FMN1: variants seen among roughly 807,000 people sequenced by gnomAD.
The protein encoded by FMN1 is formin 1.
In FMN1, 110 loss-of-function variants were observed where a neutral mutation model predicts 132.4. The observed-to-expected ratio is 0.83, with a 90% CI of 0.71 to 0.97. The LOEUF is 0.97. FMN1 is among the 50% of genes least tolerant of loss of function. The probability of loss-of-function intolerance (pLI) is 0.00; values close to 1 mark genes in which losing one functional copy is unlikely to be tolerated. For synonymous variants in FMN1, 722 were observed against 651.7 expected (o/e 1.11, Z -1.64); for missense variants, 1,792 against 1,705.3 (o/e 1.05, Z -0.90).
At chr15:32,958,582 A>ATACATACATACG (rs1555504819) in intron 9 of FMN1, among the ~76,000 whole-genome samples, 19 of 152,140 alleles carry the variant, frequency 1.2e-4, no homozygotes, top group African/African-American at 4.6e-4. Flanking sequence ...ACATACATAC[A>ATACATACATACG]TACATACATG....
chr15:33,025,988 A>T (rs1214912725), intron 6 of FMN1, among the ~76,000 whole-genome samples: 2 of 151,728 alleles, frequency 1.3e-5, no homozygotes, highest in African/African-American at 4.9e-5. Context: ...AGAATTGGAA[A>T]AGAAGAGATA....
chr15:32,982,522 C>G (rs2032760945), intron 7 of FMN1, among the ~76,000 whole-genome samples: 1 of 152,146 alleles, frequency 6.6e-6, no homozygotes, highest in South Asian at 2.1e-4. Flanking sequence ...TATGTATCAA[C>G]TTGACTGACC....
chr15:32,908,567 C>G lies in FMN1; in HGVS notation c.3300G>C (p.Glu1100Asp), dbSNP rs566086197. The change falls in exon 12 of 21, where the codon GAG becomes GAC. Residue 1100 changes from glutamate to aspartate, a missense_variant. Around this residue, in one of 3 missense-constraint regions of FMN1, gnomAD observed 1,150 missense variants for 1,043.1 expected, o/e 1.10. Coordinates refer to ENST00000616417, the MANE Select transcript of FMN1 (RefSeq NM_001277313.2). ...ACTTTCTTATTTTAACCAGCTCATC[C>G]TCTTGGGCTCTCTGTATCAAAATAG... ...LAALYENRAQ[E>D]DELVKIRKYY... 6.4e-7 allele frequency: 1 copy of G among 1,555,778 alleles called. No individual in the cohort carries two copies. Among genetic ancestry groups the G allele is most frequent in the African/African-American group, 1.4e-5 (1 of 71,592 alleles).
chr15:33,154,690 G>C lies in FMN1; in HGVS notation c.225C>G (p.Phe75Leu). 1 of 1,536,120 alleles carries C rather than the reference G, an allele frequency of 6.5e-7. No homozygotes were observed. Among genetic ancestry groups the C allele is most frequent in the Non-Finnish European group, 8.7e-7 (1 of 1,146,916 alleles). Residue 75 changes from phenylalanine to leucine, a missense_variant, in exon 4 of 21, where the codon TTC becomes TTG. Physicochemically the swap from Phe to Leu is conservative, Grantham distance 22 (BLOSUM62 0). Coordinates refer to ENST00000616417, the MANE Select transcript of FMN1 (RefSeq NM_001277313.2). Reference protein sequence around the residue: ...EPDEHPGDIFFKQTPTKDILT... With the variant: ...EPDEHPGDIFLKQTPTKDILT... ...GAATGTCTTTCGTGGGAGTCTGCTT[G>C]AAAAATATGTCGCCTGGATGTTCGT... is the stretch of plus-strand genomic sequence containing the variant.
chr15:32,840,961 G>C (rs578214695), intron 17 of FMN1, among the ~76,000 whole-genome samples: 1 of 152,310 alleles, frequency 6.6e-6, no homozygotes, highest in South Asian at 2.1e-4. Context: ...ACAAGAGTTT[G>C]TATTACACAG....
chr15:32,874,542 G>A (rs546669205), intron 16 of FMN1, among the ~76,000 whole-genome samples: 1 of 152,298 alleles, frequency 6.6e-6, no homozygotes, highest in Admixed American at 6.5e-5. Context: ...CTTCAGAACA[G>A]CTGGAGGGAA....
chr15:33,105,661 T>G (rs1221427260), intron 4 of FMN1: 1 of 152,192 alleles, frequency 6.6e-6, no homozygotes, highest in Admixed American at 6.5e-5. Context: ...TGTTTGGATA[T>G]CTAAAGATTA....
intron 9 of FMN1, among the ~76,000 whole-genome samples, chr15:32,956,192 T>G (rs567720304): frequency 2.2e-4 from 33 of 152,168 alleles, no homozygotes; most frequent in African/African-American, 7.9e-4. Flanking sequence ...TCTTGTGGTG[T>G]GGGGTAGGAA....
At chr15:32,977,473 G>C (rs542973631) in intron 7 of FMN1, among the ~76,000 whole-genome samples, 1 of 152,172 alleles carries the variant, frequency 6.6e-6, no homozygotes, top group African/African-American at 2.4e-5. Context: ...CTCTCAGGTG[G>C]AAAAAGCATT....
chr15:32,819,225 C>G (rs78114239), intron 17 of FMN1, among the ~76,000 whole-genome samples: 2,665 of 152,232 alleles, frequency 0.018, 87 homozygotes, highest in African/African-American at 0.06. Flanking sequence ...CCCCTTCCCC[C>G]CAACCAACAA....
intron 18 of FMN1, among the ~76,000 whole-genome samples, chr15:32,799,216 T>C (rs1215186919): frequency 6.6e-6 from 1 of 152,030 alleles, no homozygotes; most frequent in East Asian, 1.9e-4. Flanking sequence ...TTTCTGGGGG[T>C]GTGTAGGTAA....
intron 17 of FMN1, among the ~76,000 whole-genome samples, chr15:32,836,694 C>T (rs2058635153): frequency 6.6e-6 from 1 of 151,848 alleles, no homozygotes; most frequent in Non-Finnish European, 1.5e-5. Flanking sequence ...CTCAGTCTCT[C>T]TCTTTTTTTT....
chr15:33,117,599 T>G (rs2039977489), intron 4 of FMN1, among the ~76,000 whole-genome samples: 1 of 152,206 alleles, frequency 6.6e-6, no homozygotes, highest in African/African-American at 2.4e-5. Flanking sequence ...ACTTCAGGGA[T>G]CAAAATTTAT....
At chr15:32,957,654 A>G (rs934603830) in intron 9 of FMN1, among the ~76,000 whole-genome samples, 12 of 152,282 alleles carry the variant, frequency 7.9e-5, no homozygotes, top group African/African-American at 2.9e-4. Flanking sequence ...GGAATCAAAG[A>G]TGTTTAAGAA....
At chr15:33,071,541 T>G (rs1033883093) in intron 5 of FMN1, among the ~76,000 whole-genome samples, 1 of 152,208 alleles carries the variant, frequency 6.6e-6, no homozygotes, top group Non-Finnish European at 1.5e-5. Flanking sequence ...AGATCTCTAT[T>G]TAGAAAGAGG....
At position 33,153,745 on chromosome 15, in the gene FMN1, C is replaced by A. The variant is rs1964549056; in HGVS notation, c.1170G>T (p.Arg390=). The A allele has an allele frequency of 2.6e-6, 4 of 1,536,256 alleles. No individual in the cohort carries two copies. Among genetic ancestry groups the A allele is most frequent in the Non-Finnish European group, 3.5e-6 (4 of 1,146,954 alleles). ...AHGSRRQGKE[R]QGDRSSQSPA... is the part of the protein sequence containing the mutation. The stretch of plus-strand genomic sequence containing the variant: ...GCGACTGCGATGACCTATCCCCTTG[C>A]CGCTCCTTGCCCTGCCGCCTGGAGC... Residue 390 remains arginine, a synonymous_variant, in exon 4 of 21, where the codon CGG becomes CGT. Coordinates refer to ENST00000616417, the MANE Select transcript of FMN1 (RefSeq NM_001277313.2).
intron 7 of FMN1, among the ~76,000 whole-genome samples, chr15:32,984,629 A>G (rs1566791704): frequency 6.6e-6 from 1 of 152,224 alleles, no homozygotes; most frequent in Admixed American, 6.5e-5. Flanking sequence ...ATTATAGTAC[A>G]TTATCAATCA....
chr15:32,949,795 C>T (rs1567448000), intron 9 of FMN1, among the ~76,000 whole-genome samples: 1 of 150,270 alleles, frequency 6.7e-6, no homozygotes, highest in Non-Finnish European at 1.5e-5. Flanking sequence ...AAAAACTTTG[C>T]AAACTATGCA....
chr15:32,990,706 A>C (rs1345830507), intron 7 of FMN1, among the ~76,000 whole-genome samples: 1 of 152,160 alleles, frequency 6.6e-6, no homozygotes, highest in Non-Finnish European at 1.5e-5. Context: ...AATTATAAGG[A>C]AAGAGGTTTA....
Sources: gnomAD v4.1 joint callset for allele counts (sites outside exome capture counted in the v4.1 genomes callset) on GRCh38, gnomAD v4.1.1 for gene constraint, gnomAD v4.1.1 regional missense constraint, MANE v1.5 for transcripts, NCBI Gene and HGNC (gene_info 2026-07-23, HGNC 2026-07-21) for gene names.